The following SAFB variants were observed in gnomAD, a reference collection of about 807,000 sequenced individuals.
The protein encoded by SAFB is scaffold attachment factor B1.
A neutral mutation model predicts 101.6 loss-of-function variants in SAFB; 15 were observed. The observed-to-expected ratio is 0.15, with a 90% confidence interval of 0.10 to 0.23. SAFB has a LOEUF of 0.23. SAFB is among the 10% of genes least tolerant of loss of function. The probability of loss-of-function intolerance (pLI) is 1.00; values close to 1 mark genes in which losing one functional copy is unlikely to be tolerated. For missense variants in SAFB, 930 were observed against 1,104.1 expected (o/e 0.84, Z 2.23); for synonymous variants, 449 against 407.5 (o/e 1.10, Z -1.23).
chr19:5,654,364 G>A lies in SAFB; in HGVS notation c.1667-4G>A. 1 of 1,611,028 alleles carries A rather than the reference G, an allele frequency of 6.2e-7. No individual in the cohort carries two copies. The highest frequency in any genetic ancestry group is 8.5e-7 in the Non-Finnish European group (1 of 1,177,264). Reference sequence around the variant, plus strand: ...CACTTACACTTTCCCCGTCTTTTCTGTAGGAAGTCGAGGGACCGAACGGAC... The same window carrying A: ...CACTTACACTTTCCCCGTCTTTTCTATAGGAAGTCGAGGGACCGAACGGAC... On this transcript the variant is annotated splice_polypyrimidine_tract_variant and splice_region_variant and intron_variant, in intron 12 of 20. Transcript: ENST00000588852.
intron 5 of SAFB, among the ~76,000 whole-genome samples, chr19:5,646,567 T>C (rs868527719): frequency 2.0e-5 from 3 of 152,204 alleles, no homozygotes; most frequent in Non-Finnish European, 4.4e-5. Context: ...TCTGCCAACA[T>C]TGATGATTTG....
At chr19:5,646,177 A>G (rs2053824197) in intron 5 of SAFB, among the ~76,000 whole-genome samples, 1 of 151,894 alleles carries the variant, frequency 6.6e-6, no homozygotes, top group South Asian at 2.1e-4. Context: ...CTTTTTATTT[A>G]TTTATTTTTT....
At chr19:5,639,501 T>C (rs2053660724) in intron 2 of SAFB, among the ~76,000 whole-genome samples, 1 of 152,062 alleles carries the variant, frequency 6.6e-6, no homozygotes, top group Admixed American at 6.5e-5. Flanking sequence ...GAGACCAGCC[T>C]GGCCAACATG....
intron 2 of SAFB, among the ~76,000 whole-genome samples, chr19:5,641,285 C>G (rs1304177942): frequency 6.6e-6 from 1 of 152,174 alleles, no homozygotes; most frequent in African/African-American, 2.4e-5. Context: ...ATTTTTCCCT[C>G]AAACAAGGAC....
intron 4 of SAFB, 77 bp downstream of exon 4, chr19:5,642,023 A>G: frequency 8.4e-7 from 1 of 1,189,710 alleles, no homozygotes; most frequent in Non-Finnish European, 1.2e-6. Flanking sequence ...TCAGTTTCAT[A>G]TTGGGAAGTA....
intron 2 of SAFB, among the ~76,000 whole-genome samples, chr19:5,631,034 AC>A (rs1443578269): frequency 6.6e-6 from 1 of 152,116 alleles, no homozygotes; most frequent in Non-Finnish European, 1.5e-5. Flanking sequence ...TACTAAAAAT[AC>A]AAAAATTAGC....
At chr19:5,650,262 C>G (rs1035526282) in intron 8 of SAFB, among the ~76,000 whole-genome samples, 1 of 152,186 alleles carries the variant, frequency 6.6e-6, no homozygotes, top group Non-Finnish European at 1.5e-5. Context: ...TTTACCCTAC[C>G]AAATTCCTTC....
In SAFB at chr19:5,667,197, C is replaced by CG. The variant is rs537612715; in HGVS notation, c.2453+33_2453+34insG. 4.5e-4 allele frequency: 595 copies of CG among 1,319,002 alleles called. 7 individuals are homozygous for CG. The South Asian group carries it at 7.7e-3, about 17-fold the overall frequency. 81.7% of individuals were successfully genotyped at this position (1,319,002 alleles called of 1,614,324 possible). On this transcript the variant is annotated intron_variant, in intron 18 of 20. Coordinates refer to ENST00000588852, the MANE Select transcript of SAFB (RefSeq NM_001201338.2). This position sits in a 1 kb window ranked among gnomAD's most constrained non-coding sequence, Gnocchi z 4.0. ...TCCCACACCCGACAGTACCTGACCC[C>CG]CCCCCCGCCCACAAGGGGGCCCGCA...
intron 2 of SAFB, among the ~76,000 whole-genome samples, chr19:5,628,576 T>C (rs919148483): frequency 6.6e-6 from 1 of 152,190 alleles, no homozygotes; most frequent in African/African-American, 2.4e-5. Flanking sequence ...CAGTTTCAGA[T>C]AGGGTTGCCC....
At chr19:5,656,997 TC>T in intron 13 of SAFB, among the ~76,000 whole-genome samples, 1 of 152,018 alleles carries the variant, frequency 6.6e-6, no homozygotes, top group East Asian at 2.0e-4. Context: ...GGTCTCAATC[TC>T]CTGACCTCGT....
chr19:5,664,388 C>G lies in SAFB; in HGVS notation c.2292-9C>G. ...TCCCCTTACGGTTTGATTTAAATTG[C>G]CTTTTCAGGAGAGAAGGTTCAAGGT... is the stretch of plus-strand genomic sequence containing the variant. On this transcript the variant is annotated splice_polypyrimidine_tract_variant and intron_variant, in intron 16 of 20. Coordinates refer to ENST00000588852, the MANE Select transcript of SAFB (RefSeq NM_001201338.2). The G allele has an allele frequency of 1.2e-6, 2 of 1,611,786 alleles. No individual in the cohort carries two copies. Among genetic ancestry groups the G allele is most frequent in the Non-Finnish European group, 1.7e-6 (2 of 1,177,848 alleles).
At chr19:5,656,224 A>C (rs2054055700) in intron 13 of SAFB, among the ~76,000 whole-genome samples, 1 of 152,044 alleles carries the variant, frequency 6.6e-6, no homozygotes, top group Non-Finnish European at 1.5e-5. Context: ...TTCCCCTATC[A>C]CACCTACTTT....
At chr19:5,645,458 A>C in intron 5 of SAFB, 59 bp downstream of exon 5, 1 of 830,922 alleles carries the variant, frequency 1.2e-6, no homozygotes, top group Middle Eastern at 2.2e-4. Context: ...AATTTCTGGA[A>C]TCCATTTCAG....
intron 2 of SAFB, among the ~76,000 whole-genome samples, chr19:5,628,382 G>A (rs544891475): frequency 1.4e-4 from 21 of 152,264 alleles, no homozygotes; most frequent in South Asian, 1.0e-3. Flanking sequence ...ATTTTCGTAC[G>A]CATAATGAGA....
intron 2 of SAFB, among the ~76,000 whole-genome samples, chr19:5,636,804 G>C (rs575548788): frequency 6.6e-6 from 1 of 151,956 alleles, no homozygotes; most frequent in East Asian, 2.0e-4. Context: ...CACCTCCTGG[G>C]TTCAAGTGAT....
intron 2 of SAFB, among the ~76,000 whole-genome samples, chr19:5,635,093 A>ACGC (rs1415425742): frequency 2.0e-5 from 3 of 152,082 alleles, no homozygotes; most frequent in Non-Finnish European, 4.4e-5. Context: ...AGCCGAGATC[A>ACGC]CGCCATTGCA....
chr19:5,639,185 A>G (rs1055446037), intron 2 of SAFB, among the ~76,000 whole-genome samples: 2 of 152,208 alleles, frequency 1.3e-5, no homozygotes, highest in African/African-American at 4.8e-5. Flanking sequence ...GGCAAGTACT[A>G]TTTAGTCAGT....
chr19:5,645,497 C>T, intron 5 of SAFB, 98 bp downstream of exon 5: 1 of 648,326 alleles, frequency 1.5e-6, no homozygotes, highest in Non-Finnish European at 2.8e-6. Flanking sequence ...AGCTAATAAT[C>T]ACCACAAGGG....
At chr19:5,644,183 C>T (rs1458894729) in intron 4 of SAFB, among the ~76,000 whole-genome samples, 4 of 152,022 alleles carry the variant, frequency 2.6e-5, no homozygotes, top group Admixed American at 2.0e-4. Context: ...TGCTTTTGTG[C>T]TTTAGTGTCA....
Sources: gnomAD v4.1 joint callset for allele counts (sites outside exome capture counted in the v4.1 genomes callset) on GRCh38, gnomAD v4.1.1 for gene constraint, Gnocchi (gnomAD v3.1) non-coding constraint, MANE v1.5 for transcripts, NCBI Gene and HGNC (gene_info 2026-07-23, HGNC 2026-07-21) for gene names.